Variants in TBC1D20 observed in about 807,000 individuals in gnomAD.
The protein encoded by TBC1D20 is chromosome 20 open reading frame 140.
Under a neutral mutation model 41.6 loss-of-function variants are expected in TBC1D20, and 12 were observed. That is an observed-to-expected ratio of 0.29 (90% confidence interval 0.18 to 0.47). The LOEUF is 0.47. Among genes scored for constraint, TBC1D20 ranks in the 20% least tolerant of loss-of-function variants. TBC1D20 has a pLI of 1.00. For synonymous variants in TBC1D20, 205 were observed against 204.8 expected (o/e 1.00, Z -0.01); for missense variants, 421 against 517.4 (o/e 0.81, Z 1.81).
At chr20:451,272 CG>C (rs1568580462) in intron 1 of TBC1D20, among the ~76,000 whole-genome samples, 3 of 152,222 alleles carry the variant, frequency 2.0e-5, no homozygotes, top group African/African-American at 7.2e-5. Context: ...TGGCCGGGGA[CG>C]GTGGCTCACG....
chr20:461,719 T>C (rs1600347466), intron 1 of TBC1D20, among the ~76,000 whole-genome samples: 1 of 152,332 alleles, frequency 6.6e-6, no homozygotes, highest in African/African-American at 2.4e-5. Context: ...AGAAAGTCGA[T>C]TCGTGGTTGC....
chr20:458,877 T>A (rs1345293381), intron 1 of TBC1D20, among the ~76,000 whole-genome samples: 1 of 152,222 alleles, frequency 6.6e-6, no homozygotes, highest in East Asian at 1.9e-4. Flanking sequence ...AGGAGGATGC[T>A]GTCCCAACGT....
intron 1 of TBC1D20, among the ~76,000 whole-genome samples, chr20:454,476 C>A (rs1007301312): frequency 6.1e-4 from 92 of 151,872 alleles, no homozygotes; most frequent in Non-Finnish European, 5.1e-4. Context: ...ATATTAGGTG[C>A]AAGGCACCAG....
At chr20:455,321 T>C (rs967670572) in intron 1 of TBC1D20, among the ~76,000 whole-genome samples, 4 of 152,170 alleles carry the variant, frequency 2.6e-5, no homozygotes, top group African/African-American at 9.7e-5. Context: ...GTTACCTACC[T>C]AGAAATCATT....
At chr20:447,386 G>C (rs2017356615) in intron 2 of TBC1D20, among the ~76,000 whole-genome samples, 1 of 152,022 alleles carries the variant, frequency 6.6e-6, no homozygotes, top group South Asian at 2.1e-4. Context: ...GCCTGGGCGT[G>C]GTAGCTCATG....
In TBC1D20 at chr20:462,347, G is replaced by A. The variant is rs982092136; in HGVS notation, c.59C>T (p.Ala20Val). The A allele has an allele frequency of 5.4e-5, 71 of 1,306,174 alleles. No individual in the cohort carries two copies. The highest frequency in any genetic ancestry group is 5.7e-4 in the Middle Eastern group (2 of 3,494). 80.9% of individuals were successfully genotyped at this position (1,306,174 alleles called of 1,614,324 possible). ...GPTSGHWDGG[A>V]EKADFNAKRK... ...GTCGGCTTCCGTACCTGCCTTCTCC[G>A]CGCCGCCGTCCCAGTGGCCGGAGGT... The change falls in exon 1 of 8, where the codon GCG (alanine) becomes GTG (valine). Residue 20 changes from alanine (A) to valine (V), a missense_variant. Coordinates refer to ENST00000354200, the MANE Select transcript of TBC1D20 (RefSeq NM_144628.4).
intron 2 of TBC1D20, among the ~76,000 whole-genome samples, chr20:446,243 CTT>C (rs1249407185): frequency 6.6e-6 from 1 of 152,236 alleles, no homozygotes; most frequent in Non-Finnish European, 1.5e-5. Flanking sequence ...CCAAGGAACT[CTT>C]TTCACCACAT....
At chr20:451,480 GGA>G (rs2122411308) in intron 1 of TBC1D20, among the ~76,000 whole-genome samples, 1 of 152,238 alleles carries the variant, frequency 6.6e-6, no homozygotes, top group Non-Finnish European at 1.5e-5. Flanking sequence ...CCTGCAAGGT[GGA>G]GGTTATAGTG....
At chr20:460,431 T>A (rs2017609547) in intron 1 of TBC1D20, among the ~76,000 whole-genome samples, 1 of 91,394 alleles carries the variant, frequency 1.1e-5, no homozygotes. Context: ...AGATCCCATC[T>A]CTCAAAAAAA....
At chr20:449,645 T>C (rs2017409645) in intron 1 of TBC1D20, among the ~76,000 whole-genome samples, 2 of 152,132 alleles carry the variant, frequency 1.3e-5, no homozygotes, top group African/African-American at 4.8e-5. Flanking sequence ...AGACAGATCT[T>C]GGTTCAAATC....
At chr20:456,008 T>C (rs767892398) in intron 1 of TBC1D20, among the ~76,000 whole-genome samples, 3 of 152,122 alleles carry the variant, frequency 2.0e-5, no homozygotes, top group Non-Finnish European at 4.4e-5. Flanking sequence ...AGTCCAGACG[T>C]GGCTCATGCT....
At chr20:457,235 C>T (rs1418970753) in intron 1 of TBC1D20, among the ~76,000 whole-genome samples, 1 of 151,894 alleles carries the variant, frequency 6.6e-6, no homozygotes, top group Non-Finnish European at 1.5e-5. Context: ...CGCATCTGGC[C>T]CTTCTTTTTA....
intron 1 of TBC1D20, among the ~76,000 whole-genome samples, chr20:454,875 C>T (rs2017515284): frequency 6.6e-6 from 1 of 152,006 alleles, no homozygotes; most frequent in Non-Finnish European, 1.5e-5. Context: ...AGGGTTTCAC[C>T]ATGCCAGGCT....
Position 462,431 on chromosome 20 carries a change from G to A in TBC1D20, c.-26C>T, listed in dbSNP as rs1019959174. On this transcript the variant is annotated 5_prime_UTR_variant, in exon 1 of 8. Transcript: ENST00000354200. ...GCCCCGGGGCCCCGGGCCCCCACCC[G>A]AGCCCCGGCTGGTGGCGGAGCCGGG... 1 of 1,195,582 alleles carries A rather than the reference G, an allele frequency of 8.4e-7. No homozygotes were observed. Among genetic ancestry groups the A allele is most frequent in the Non-Finnish European group, 1.0e-6 (1 of 954,928 alleles). 74.1% of individuals were successfully genotyped at this position (1,195,582 alleles called of 1,614,324 possible).
intron 5 of TBC1D20, chr20:441,256 G>T: frequency 4.3e-6 from 1 of 233,348 alleles, no homozygotes; most frequent in Non-Finnish European, 8.3e-6. Flanking sequence ...CCCATTGTTG[G>T]CCTTCCCCTT....
At chr20:448,841 CT>C (rs1157490937) in intron 1 of TBC1D20, among the ~76,000 whole-genome samples, 1,360 of 127,072 alleles carry the variant, frequency 0.011, 16 homozygotes, top group African/African-American at 0.038. Flanking sequence ...ATTACACGTA[CT>C]TTTTTTTTTT....
intron 5 of TBC1D20, 107 bp downstream of exon 5, chr20:441,481 C>T: frequency 1.0e-6 from 1 of 965,134 alleles, no homozygotes; most frequent in Non-Finnish European, 1.6e-6. Flanking sequence ...TTAACAAATC[C>T]ACCCAAGACA....
chr20:438,906 C>T (rs1400392745), intron 7 of TBC1D20, 65 bp from the exon 8 acceptor site: 118 of 1,582,384 alleles, frequency 7.5e-5, no homozygotes, highest in Non-Finnish European at 9.1e-5. Context: ...CAAAACTACA[C>T]CACATAGGCT....
chr20:458,208 T>C (rs2017574142), intron 1 of TBC1D20, among the ~76,000 whole-genome samples: 2 of 152,302 alleles, frequency 1.3e-5, no homozygotes, highest in South Asian at 4.1e-4. Context: ...GTCAACTGAA[T>C]TTCCATGAGG....
Sources: allele counts gnomAD v4.1 joint callset (sites outside exome capture counted in the v4.1 genomes callset), GRCh38; gene constraint gnomAD v4.1.1; transcripts MANE v1.5; gene names NCBI Gene and HGNC (gene_info 2026-07-23, HGNC 2026-07-21).